The following NADK2 variants were observed in gnomAD, a reference collection of about 807,000 sequenced individuals.
The protein encoded by NADK2 is NAD kinase domain-containing protein 1, mitochondrial.
In NADK2, 35 loss-of-function variants were observed where a neutral mutation model predicts 62.1. The ratio of observed to expected loss-of-function variants is 0.56; its 90% CI spans 0.43 to 0.75. The LOEUF (loss-of-function observed/expected upper bound fraction) is 0.75. Ranked by LOEUF, NADK2 falls within the 30% of genes least tolerant of loss-of-function variation. The probability of loss-of-function intolerance (pLI) is 0.00; values close to 1 mark genes in which losing one functional copy is unlikely to be tolerated. For missense variants in NADK2, 439 were observed against 561.3 expected (o/e 0.78, Z 2.20); for synonymous variants, 205 against 207.9 (o/e 0.99, Z 0.12).
At chr5:36,225,219 C>G (rs1747437405) in intron 4 of NADK2, among the ~76,000 whole-genome samples, 1 of 152,110 alleles carries the variant, frequency 6.6e-6, no homozygotes, top group Non-Finnish European at 1.5e-5. Flanking sequence ...TCCTTGAAAA[C>G]AACTACATAA....
intron 1 of NADK2, among the ~76,000 whole-genome samples, chr5:36,231,437 T>G (rs1432157364): frequency 6.6e-6 from 1 of 152,220 alleles, no homozygotes; most frequent in Non-Finnish European, 1.5e-5. Context: ...TTCTAATAAG[T>G]CATCCTCAAC....
chr5:36,215,274 C>T (rs182129308), intron 6 of NADK2, among the ~76,000 whole-genome samples: 2 of 152,202 alleles, frequency 1.3e-5, no homozygotes, highest in East Asian at 3.9e-4. Flanking sequence ...AAGACTCTTG[C>T]CTAAGTTTCC....
At chr5:36,207,446 T>TAAA (rs34974252) in intron 7 of NADK2, among the ~76,000 whole-genome samples, 181 bp from the exon 8 acceptor site, 3 of 147,078 alleles carry the variant, frequency 2.0e-5, no homozygotes, top group Non-Finnish European at 3.0e-5. Flanking sequence ...TAGAAGAAAT[T>TAAA]AAAAAAAAAA....
intron 7 of NADK2, among the ~76,000 whole-genome samples, chr5:36,211,638 T>C (rs1282902161): frequency 4.6e-5 from 7 of 152,202 alleles, no homozygotes; most frequent in Non-Finnish European, 1.5e-5. Flanking sequence ...ATCTAGGGTT[T>C]CACAAACTTT....
chr5:36,220,564 C>T (rs1747226627), intron 4 of NADK2, among the ~76,000 whole-genome samples: 1 of 152,212 alleles, frequency 6.6e-6, no homozygotes, highest in Admixed American at 6.5e-5. Flanking sequence ...ACTTCTTTAT[C>T]TAAGCAGGTC....
At chr5:36,207,519 C>T (rs1289938223) in intron 7 of NADK2, among the ~76,000 whole-genome samples, 1 of 150,716 alleles carries the variant, frequency 6.6e-6, no homozygotes, top group Admixed American at 6.6e-5. Flanking sequence ...TTTAATATTT[C>T]AAATAGGAGC....
intron 7 of NADK2, 100 bp from the exon 8 acceptor site, chr5:36,207,365 C>T: frequency 1.2e-6 from 1 of 806,036 alleles, no homozygotes; most frequent in Non-Finnish European, 2.0e-6. Context: ...AGTCAGCTTA[C>T]CCAAGAAATA....
At chr5:36,216,894 G>A (rs1198728010) in intron 6 of NADK2, among the ~76,000 whole-genome samples, 2 of 152,010 alleles carry the variant, frequency 1.3e-5, no homozygotes, top group African/African-American at 2.4e-5. Context: ...AAGTTCATGT[G>A]CATATAATTT....
intron 1 of NADK2, among the ~76,000 whole-genome samples, chr5:36,233,992 T>C (rs1747803981): frequency 6.6e-6 from 1 of 152,226 alleles, no homozygotes; most frequent in Non-Finnish European, 1.5e-5. Flanking sequence ...AAAAAATTAT[T>C]TGTACTTCTA....
chr5:36,206,948 G>A (rs41445147), intron 8 of NADK2, among the ~76,000 whole-genome samples: 140,627 of 152,008 alleles, frequency 0.93, 65,531 homozygotes, highest in Non-Finnish European at 0.98. Context: ...CCTTTCCTTT[G>A]CAAACCTAGT....
intron 4 of NADK2, chr5:36,221,335 C>T (rs896160394): frequency 6.6e-6 from 1 of 152,326 alleles, no homozygotes; most frequent in Non-Finnish European, 1.5e-5. Flanking sequence ...AAGCTGACAT[C>T]TACTTATCCT....
At chr5:36,236,216 G>A (rs1561077909) in intron 1 of NADK2, among the ~76,000 whole-genome samples, 2 of 152,116 alleles carry the variant, frequency 1.3e-5, no homozygotes, top group Non-Finnish European at 2.9e-5. Flanking sequence ...TGAACATCAG[G>A]GCTGTGAAGC....
chr5:36,210,908 A>G (rs932660892), intron 7 of NADK2, among the ~76,000 whole-genome samples: 10 of 152,238 alleles, frequency 6.6e-5, no homozygotes, highest in Admixed American at 6.5e-4. Context: ...AGTCCCTGCT[A>G]CTCAGGAAGC....
intron 11 of NADK2, among the ~76,000 whole-genome samples, chr5:36,195,850 T>C (rs1047584036): frequency 1.3e-5 from 2 of 152,120 alleles, no homozygotes; most frequent in African/African-American, 4.8e-5. Context: ...ATCACTGCAG[T>C]AGTAATAGCT....
intron 6 of NADK2, among the ~76,000 whole-genome samples, chr5:36,214,208 T>C (rs1263827553): frequency 1.3e-5 from 2 of 151,612 alleles, no homozygotes; most frequent in African/African-American, 4.8e-5. Context: ...TGAGATGGAG[T>C]TTAGCTCTTG....
rs1748132406 is a variant in NADK2, at chr5:36,241,659, A to C, written c.140T>G (p.Leu47Arg). 8.0e-7 allele frequency: 1 copy of C among 1,250,996 alleles called. No homozygotes were observed. The highest frequency in any genetic ancestry group is 3.3e-5 in the East Asian group (1 of 30,404). The allele number at this position is 1,250,996 out of a possible 1,614,324, so 77.5% of individuals were successfully genotyped here. ...LGGDGGGRRH[L>R]GQGQPRELAG... ...CAGCTCGCGCGGCTGCCCCTGCCCC[A>C]GGTGCCGCCGGCCGCCACCGTCACC... The change falls in exon 1 of 12, where the codon CTG becomes CGG. Residue 47 changes from leucine to arginine, a missense_variant. By Grantham distance (102) the Leu-to-Arg change is moderately radical. Coordinates refer to ENST00000381937, the MANE Select transcript of NADK2 (RefSeq NM_001085411.3). The surrounding 1 kb of genome is among the most constrained non-coding windows in gnomAD (Gnocchi z 4.9).
rs748540256 is a variant in NADK2, at chr5:36,195,111, G to A, written c.*33C>T. On this transcript the variant is annotated 3_prime_UTR_variant, in exon 12 of 12. Transcript: ENST00000381937. ...CTGTTTCTGAAGTAAAAATATTCTC[G>A]CCAGTAATCAAAATTTGTCATGAGG... The A allele has an allele frequency of 1.4e-5, 22 of 1,576,890 alleles. No homozygotes were observed. The highest frequency in any genetic ancestry group is 6.9e-5 in the East Asian group (3 of 43,622).
intron 4 of NADK2, among the ~76,000 whole-genome samples, chr5:36,220,605 G>C (rs897714229): frequency 6.6e-6 from 1 of 152,168 alleles, no homozygotes; most frequent in Non-Finnish European, 1.5e-5. Context: ...GTAAGGCCTA[G>C]GTTTTTAAAT....
chr5:36,234,066 T>C (rs1301775141), intron 1 of NADK2, among the ~76,000 whole-genome samples: 2 of 152,148 alleles, frequency 1.3e-5, no homozygotes, highest in African/African-American at 2.4e-5. Flanking sequence ...CAATGAAATA[T>C]TGCACAGCAG....
Sources: allele counts gnomAD v4.1 joint callset (sites outside exome capture counted in the v4.1 genomes callset), GRCh38; gene constraint gnomAD v4.1.1; non-coding constraint Gnocchi (gnomAD v3.1); transcripts MANE v1.5; gene names NCBI Gene and HGNC (gene_info 2026-07-23, HGNC 2026-07-21).